The following ZYG11B variants were observed in gnomAD, a reference collection of about 807,000 sequenced individuals.
The protein encoded by ZYG11B is zyg-11 family member B, cell cycle regulator, also known as protein zyg-11 homolog B.
A neutral mutation model predicts 82.4 loss-of-function variants in ZYG11B; 36 were observed. The observed-to-expected ratio is 0.44, with a 90% CI of 0.33 to 0.58. The LOEUF is 0.58. ZYG11B is among the 20% of genes least tolerant of loss of function. The pLI is 0.02. For missense variants in ZYG11B, 552 were observed against 895.6 expected (o/e 0.62, Z 4.90); for synonymous variants, 303 against 312.8 (o/e 0.97, Z 0.33).
chr1:52,801,184 CAG>C (rs765510425), intron 8 of ZYG11B, among the ~76,000 whole-genome samples: 3 of 151,982 alleles, frequency 2.0e-5, no homozygotes, highest in East Asian at 1.9e-4. Context: ...AAAAGGAAGA[CAG>C]AGGTACTGCA....
intron 1 of ZYG11B, among the ~76,000 whole-genome samples, chr1:52,735,842 CCCT>C (rs1246621512): frequency 3.9e-5 from 6 of 152,122 alleles, no homozygotes; most frequent in African/African-American, 7.2e-5. Flanking sequence ...AGACAATAGA[CCCT>C]GTGAAGATAC....
At chr1:52,797,561 T>G (rs1194230424) in intron 8 of ZYG11B, among the ~76,000 whole-genome samples, 1 of 142,308 alleles carries the variant, frequency 7.0e-6, no homozygotes, top group Admixed American at 7.4e-5. Context: ...AGGCTGGGAG[T>G]GCAGTGGTAC....
At chr1:52,811,028 C>A (rs957610145) in intron 10 of ZYG11B, among the ~76,000 whole-genome samples, 2 of 111,378 alleles carry the variant, frequency 1.8e-5, no homozygotes, top group Admixed American at 1.0e-4. Flanking sequence ...AGCAAGGCTC[C>A]GTCTCAAAAA....
rs530761282 is a variant in ZYG11B at position 52,730,151 on chromosome 1, T to C, written c.30+3468T>C. Among the ~76,000 whole-genome samples, 4 of 152,268 alleles carry C rather than the reference T, an allele frequency of 2.6e-5. No homozygotes were observed. In the East Asian group the frequency reaches 7.7e-4, roughly 29 times the overall value. ...ACATAATGCTGATGCTGCTGGTCTG[T>C]GAACCACAATTTGAGAACTACTGGT... On this transcript the variant is annotated intron_variant, in intron 1 of 13. Coordinates refer to ENST00000294353, the MANE Select transcript of ZYG11B (RefSeq NM_024646.3).
intron 12 of ZYG11B, among the ~76,000 whole-genome samples, chr1:52,814,653 T>C (rs1226521824): frequency 2.0e-5 from 3 of 151,968 alleles, no homozygotes; most frequent in African/African-American, 4.8e-5. Context: ...TGAGTTATGA[T>C]TGCATCACTG....
chr1:52,752,629 A>G (rs1443867899), intron 1 of ZYG11B, among the ~76,000 whole-genome samples: 1 of 152,194 alleles, frequency 6.6e-6, no homozygotes, highest in Non-Finnish European at 1.5e-5. Flanking sequence ...TTTATAGTTC[A>G]TTGGTCAGAA....
rs1369934455 is a variant in ZYG11B, at chr1:52,785,060, TTA to T, written c.1269+9_1269+10del. ...TTTTCCCAATCACCAGCAGGTAAGC[TTA>T]TGTGAATTCCTTTTCAAATAGTCCT... On this transcript the variant is annotated splice_region_variant and intron_variant, in intron 5 of 13. Coordinates refer to ENST00000294353, the MANE Select transcript of ZYG11B (RefSeq NM_024646.3). 1.9e-6 allele frequency: 3 copies of T among 1,611,144 alleles called. No homozygotes were observed. In the South Asian group the frequency reaches 3.3e-5, roughly 18 times the overall value.
chr1:52,744,080 G>A (rs1295880381), intron 1 of ZYG11B, among the ~76,000 whole-genome samples: 1 of 151,988 alleles, frequency 6.6e-6, no homozygotes, highest in African/African-American at 2.4e-5. Context: ...AGGACTACAG[G>A]CACAAGCCAC....
At chr1:52,783,986 A>G (rs28507099) in intron 4 of ZYG11B, among the ~76,000 whole-genome samples, 6,716 of 45,480 alleles carry the variant, frequency 0.15, 495 homozygotes, top group East Asian at 0.6. Flanking sequence ...ACACACACAC[A>G]TATATATATA....
intron 2 of ZYG11B, among the ~76,000 whole-genome samples, chr1:52,761,446 T>G (rs1644630695): frequency 6.6e-6 from 1 of 152,242 alleles, no homozygotes; most frequent in Non-Finnish European, 1.5e-5. Flanking sequence ...TGTTTAACTT[T>G]CTGCTCCTGG....
chr1:52,759,205 T>C lies in ZYG11B; in HGVS notation c.196+2582T>C, dbSNP rs1199551354. Among the ~76,000 whole-genome samples, 9 of 152,288 alleles carry C rather than the reference T, an allele frequency of 5.9e-5. No homozygotes were observed. In the East Asian group the frequency reaches 1.7e-3, roughly 29 times the overall value. On this transcript the variant is annotated intron_variant, in intron 2 of 13. Transcript: ENST00000294353. ...CCTCGGCCTCCCAAAGTGCTGGGAT[T>C]ACAGGCATGAGCCACTGCACCCAGC... is the stretch of plus-strand genomic sequence containing the variant.
rs1333882523 is a variant in ZYG11B at position 52,826,028 on chromosome 1, T to C, written c.*4399T>C. 6.6e-6 allele frequency: 1 copy of C among 152,206 alleles called. No homozygotes were observed. The highest frequency in any genetic ancestry group is 6.5e-5 in the Admixed American group (1 of 15,274). The allele number at this position is 152,206 out of a possible 1,614,324, so 9.4% of individuals were successfully genotyped here. A position where few individuals can be genotyped will look rare whatever the true frequency, so the allele number is the denominator to read the frequency against. ...GCAGGGAAAACAAACTTAAACTCTT[T>C]GTATATGGTGAAACCCATCCCTCTC... On this transcript the variant is annotated 3_prime_UTR_variant, in exon 14 of 14. Coordinates refer to ENST00000294353, the MANE Select transcript of ZYG11B (RefSeq NM_024646.3).
At chr1:52,774,347 A>T (rs1244184103) in intron 3 of ZYG11B, among the ~76,000 whole-genome samples, 8 of 141,144 alleles carry the variant, frequency 5.7e-5, no homozygotes, top group Non-Finnish European at 1.2e-4. Context: ...TAGCTCCGTC[A>T]CCCAGGCTGG....
intron 1 of ZYG11B, among the ~76,000 whole-genome samples, chr1:52,745,891 G>A (rs1644472059): frequency 7.3e-6 from 1 of 136,330 alleles, no homozygotes; most frequent in Admixed American, 7.3e-5. Context: ...TTGTTTTGAC[G>A]GAATTTTACT....
Position 52,771,377 on chromosome 1 carries a change from T to G in ZYG11B, c.554T>G (p.Leu185Trp). Residue 185 changes from leucine (L) to tryptophan (W), a missense_variant, in exon 3 of 14, where the codon TTG becomes TGG. Physicochemically the swap from Leu to Trp is moderately conservative, Grantham distance 61. This residue lies in a region of ZYG11B where 359 missense variants were observed against 555.8 expected (regional missense o/e 0.65). Transcript: ENST00000294353. This position sits in a 1 kb window ranked among gnomAD's most constrained non-coding sequence, Gnocchi z 5.4. Reference protein sequence around the residue: ...YNEDLAEVASLPRLESLDISN... With the variant: ...YNEDLAEVASWPRLESLDISN... ...GAAGACCTGGCTGAAGTTGCCTCAT[T>G]GCCAAGATTAGAGAGCTTGGATATT... The G allele has an allele frequency of 6.2e-7, 1 of 1,614,200 alleles. No homozygotes were observed. Among genetic ancestry groups the G allele is most frequent in the Non-Finnish European group, 8.5e-7 (1 of 1,180,040 alleles).
chr1:52,775,472 C>T (rs1644796161), intron 3 of ZYG11B, among the ~76,000 whole-genome samples: 1 of 151,530 alleles, frequency 6.6e-6, no homozygotes, highest in Admixed American at 6.6e-5. Flanking sequence ...GGGCGGATCA[C>T]TTGAGGTCAG....
At chr1:52,767,577 A>ACAGGTGTGAGC (rs1558126733) in intron 2 of ZYG11B, among the ~76,000 whole-genome samples, 1 of 152,168 alleles carries the variant, frequency 6.6e-6, no homozygotes, top group Non-Finnish European at 1.5e-5. Context: ...TGCTGGGATT[A>ACAGGTGTGAGC]CAGGTGTGAG....
rs1645201616 is a variant in ZYG11B at position 52,813,661 on chromosome 1, C to T, written c.1821C>T (p.Ala607=). ...GTTACTTTGCAGCTGGAATTATTGC[C>T]CATTTAATATCCAGAGGTGAACAAG... ...EVSYFAAGII[A]HLISRGEQAW... The change falls in exon 11 of 14, where the codon GCC becomes GCT. Residue 607 remains alanine (A), a synonymous_variant. Transcript: ENST00000294353. 1 of 1,613,992 alleles carries T rather than the reference C, an allele frequency of 6.2e-7. No individual in the cohort carries two copies. The highest frequency in any genetic ancestry group is 8.5e-7 in the Non-Finnish European group (1 of 1,180,022).
At chr1:52,799,778 G>C (rs753605140) in intron 8 of ZYG11B, among the ~76,000 whole-genome samples, 10 of 152,064 alleles carry the variant, frequency 6.6e-5, no homozygotes, top group East Asian at 1.9e-4. Context: ...CTGGCCAAGA[G>C]AGTGAGACTC....
Sources: gnomAD v4.1 joint callset for allele counts (sites outside exome capture counted in the v4.1 genomes callset) on GRCh38, gnomAD v4.1.1 for gene constraint, gnomAD v4.1.1 regional missense constraint, Gnocchi (gnomAD v3.1) non-coding constraint, MANE v1.5 for transcripts, NCBI Gene and HGNC (gene_info 2026-07-23, HGNC 2026-07-21) for gene names.